Variants in QTMAN observed in about 807,000 individuals in gnomAD.
The protein encoded by QTMAN is tRNA-queuosine alpha-mannosyltransferase.
chr2:144,109,757 A>G, the QTMAN span, among the ~76,000 whole-genome samples: 8 of 152,210 alleles, frequency 5.3e-5, no homozygotes, highest in African/African-American at 1.9e-4. Flanking sequence ...TCTCAAAAGA[A>G]GACATTTATG....
At chr2:144,085,371 A>T in the QTMAN span, among the ~76,000 whole-genome samples, 1 of 152,382 alleles carries the variant, frequency 6.6e-6, no homozygotes, top group East Asian at 1.9e-4. Context: ...CGGGATGACA[A>T]GTAGACTGAA....
At chr2:144,245,414 A>G in the QTMAN span, among the ~76,000 whole-genome samples, 1 of 152,204 alleles carries the variant, frequency 6.6e-6, no homozygotes, top group Non-Finnish European at 1.5e-5. Flanking sequence ...AATTTGTGGA[A>G]AAGTTCATTG....
chr2:144,029,136 T>A, the QTMAN span, among the ~76,000 whole-genome samples: 1 of 152,174 alleles, frequency 6.6e-6, no homozygotes, highest in Non-Finnish European at 1.5e-5. Context: ...TAAGGATTAG[T>A]TGAAACGTTG....
At chr2:144,013,758 C>T in the QTMAN span, among the ~76,000 whole-genome samples, 1 of 152,204 alleles carries the variant, frequency 6.6e-6, no homozygotes, top group East Asian at 1.9e-4. Context: ...GGCAGTTCAG[C>T]GATCTAAGGC....
the QTMAN span, among the ~76,000 whole-genome samples, chr2:144,170,574 C>A: frequency 0.014 from 2,160 of 152,178 alleles, 54 homozygotes; most frequent in African/African-American, 0.05. Context: ...GAGATATTAT[C>A]TGTAGTATAC....
the QTMAN span, among the ~76,000 whole-genome samples, chr2:144,235,269 T>C: frequency 1.3e-5 from 2 of 152,052 alleles, no homozygotes; most frequent in African/African-American, 2.4e-5. Context: ...TGTTTATTAA[T>C]GGTACCATAA....
At chr2:144,061,277 G>C in the QTMAN span, among the ~76,000 whole-genome samples, 1 of 152,032 alleles carries the variant, frequency 6.6e-6, no homozygotes, top group Non-Finnish European at 1.5e-5. Flanking sequence ...ATTTGATAAG[G>C]AATAAGATTT....
the QTMAN span, among the ~76,000 whole-genome samples, chr2:143,951,610 G>A: frequency 6.6e-6 from 1 of 151,526 alleles, no homozygotes; most frequent in Non-Finnish European, 1.5e-5. Context: ...ATTTCATTAT[G>A]ATGGGAAGAA....
chr2:143,955,431 C>T, the QTMAN span, among the ~76,000 whole-genome samples: 1 of 152,036 alleles, frequency 6.6e-6, no homozygotes, highest in African/African-American at 2.4e-5. Context: ...GAAAGTGATA[C>T]ATTCCATAAG....
chr2:144,244,465 CAT>C, the QTMAN span, among the ~76,000 whole-genome samples: 27 of 152,168 alleles, frequency 1.8e-4, no homozygotes, highest in African/African-American at 3.4e-4. Flanking sequence ...CAGGAAGAAA[CAT>C]GTGTGACTTC....
chr2:144,075,561 T>C, the QTMAN span, among the ~76,000 whole-genome samples: 1 of 152,222 alleles, frequency 6.6e-6, no homozygotes, highest in Non-Finnish European at 1.5e-5. Context: ...TTGAGGTCAC[T>C]GTAGCCCTTA....
the QTMAN span, among the ~76,000 whole-genome samples, chr2:144,266,381 G>A: frequency 6.6e-6 from 1 of 152,178 alleles, no homozygotes; most frequent in East Asian, 1.9e-4. Context: ...CTACCCCACA[G>A]CCCCATCACA....
the QTMAN span, chr2:143,943,254 T>C: frequency 7.9e-5 from 12 of 152,348 alleles, no homozygotes; most frequent in African/African-American, 2.9e-4. Flanking sequence ...AGAGAGGGCA[T>C]AGGATAGGAG....
chr2:144,085,586 A>G, the QTMAN span, among the ~76,000 whole-genome samples: 1 of 152,174 alleles, frequency 6.6e-6, no homozygotes, highest in African/African-American at 2.4e-5. Flanking sequence ...TCAACTATAC[A>G]TGTCCTACTA....
chr2:144,007,322 G>A, the QTMAN span: 1 of 1,613,184 alleles, frequency 6.2e-7, no homozygotes, highest in Non-Finnish European at 8.5e-7. Flanking sequence ...ATTTTTTCAA[G>A]TCTGATTCCT....
the QTMAN span, among the ~76,000 whole-genome samples, chr2:144,250,105 C>G: frequency 6.6e-6 from 1 of 150,532 alleles, no homozygotes; most frequent in African/African-American, 2.4e-5. Context: ...AAACTTATCA[C>G]ACTGCCGTGG....
chr2:144,299,513 A>G, the QTMAN span, among the ~76,000 whole-genome samples: 1 of 152,214 alleles, frequency 6.6e-6, no homozygotes, highest in African/African-American at 2.4e-5. Flanking sequence ...TGAAGGCTAA[A>G]AGTTTCTCAC....
At chr2:144,204,498 T>C in the QTMAN span, among the ~76,000 whole-genome samples, 1 of 152,076 alleles carries the variant, frequency 6.6e-6, no homozygotes, top group East Asian at 1.9e-4. Context: ...AAACAACAGG[T>C]GCTGGAGAGG....
the QTMAN span, among the ~76,000 whole-genome samples, chr2:144,153,322 G>A: frequency 6.6e-6 from 1 of 152,072 alleles, no homozygotes; most frequent in South Asian, 2.1e-4. Context: ...AAAGTGAGAA[G>A]ATAAAGAAAT....
Sources: allele counts gnomAD v4.1 joint callset (sites outside exome capture counted in the v4.1 genomes callset), GRCh38; gene constraint gnomAD v4.1.1; transcripts MANE v1.5; gene names NCBI Gene and HGNC (gene_info 2026-07-23, HGNC 2026-07-21).